The following PRKAR2A variants were observed in gnomAD, a reference collection of about 807,000 sequenced individuals.
PRKAR2A encodes cAMP-dependent protein kinase type II-alpha regulatory subunit.
Under a neutral mutation model 51.9 loss-of-function variants are expected in PRKAR2A, and 29 were observed. The ratio of observed to expected loss-of-function variants is 0.56; its 90% CI spans 0.42 to 0.76. The LOEUF (loss-of-function observed/expected upper bound fraction) is 0.76, where lower values mean the gene tolerates loss of function less well. PRKAR2A is among the 30% of genes least tolerant of loss of function. The pLI, the probability that PRKAR2A is intolerant of heterozygous loss-of-function variation, is 0.00. For missense variants in PRKAR2A, 445 were observed against 512.1 expected, an observed-to-expected ratio of 0.87 and a Z score of 1.26; for synonymous variants, 178 against 186.2, an observed-to-expected ratio of 0.96 and a Z score of 0.36.
intron 1 of PRKAR2A, among the ~76,000 whole-genome samples, chr3:48,824,604 A>C (rs531022854): frequency 4.8e-4 from 68 of 141,438 alleles, no homozygotes; most frequent in Admixed American, 1.3e-3. Flanking sequence ...AAAGAAAGAA[A>C]GAACCCTGCA....
At position 48,765,295 on chromosome 3, in the gene PRKAR2A, T is replaced by C. The variant is rs769911537; in HGVS notation, c.751A>G (p.Met251Val). Residue 251 changes from methionine (M) to valine (V), a missense_variant, in exon 7 of 11, where the codon ATG becomes GTG. Physicochemically the swap from Met to Val is conservative, Grantham distance 21 (BLOSUM62 1). Transcript: ENST00000265563. ...IVKNNAKKRK[M>V]FESFIESVPL... Reference sequence around the variant, plus strand: ...ACAGACTCAATAAATGATTCAAACATCTTCCTCTTCTTTGCATTATTTTTC... The same window carrying C: ...ACAGACTCAATAAATGATTCAAACACCTTCCTCTTCTTTGCATTATTTTTC... 7 of 1,612,738 alleles carry C rather than the reference T, an allele frequency of 4.3e-6. No individual in the cohort carries two copies. The highest frequency in any genetic ancestry group is 5.9e-6 in the Non-Finnish European group (7 of 1,179,470).
At chr3:48,766,134 C>T (rs922129933) in intron 6 of PRKAR2A, among the ~76,000 whole-genome samples, 3 of 150,364 alleles carry the variant, frequency 2.0e-5, no homozygotes, top group African/African-American at 4.9e-5. Context: ...AAAGGCTCAC[C>T]AGAGCCTGAG....
intron 5 of PRKAR2A, among the ~76,000 whole-genome samples, chr3:48,782,590 G>A (rs745385375): frequency 2.6e-5 from 4 of 152,130 alleles, no homozygotes; most frequent in Non-Finnish European, 5.9e-5. Flanking sequence ...CAAGCAGCTG[G>A]GATTACAGGC....
rs1373840463 is a variant in PRKAR2A, at chr3:48,847,253, G to A, written c.262+82C>T. 11 of 1,501,312 alleles carry A rather than the reference G, an allele frequency of 7.3e-6. No individual in the cohort carries two copies. The highest frequency in any genetic ancestry group is 1.8e-4 in the Middle Eastern group (1 of 5,616). The allele number at this position is 1,501,312 out of a possible 1,614,324, so 93.0% of individuals were successfully genotyped here. On this transcript the variant is annotated intron_variant, in intron 1 of 10. Transcript: ENST00000265563. This position sits in a 1 kb window ranked among gnomAD's most constrained non-coding sequence, Gnocchi z 4.4. ...CCAGCCTGCGGTCGGCTTGGCTGCG[G>A]CGCGACACCTGGCTCCCTGCCACCC...
At chr3:48,823,155 C>T (rs1316296942) in intron 1 of PRKAR2A, among the ~76,000 whole-genome samples, 1 of 152,008 alleles carries the variant, frequency 6.6e-6, no homozygotes, top group Non-Finnish European at 1.5e-5. Flanking sequence ...AATCGCCCGC[C>T]TCAGCCTCCT....
chr3:48,751,049 T>C lies in PRKAR2A; in HGVS notation c.*536A>G. On this transcript the variant is annotated 3_prime_UTR_variant, in exon 11 of 11. Transcript: ENST00000265563. ...AAGTACAATGCCACTGGGCTACATA[T>C]GTCCATATCATCCACCACCATTTCC... 1 of 345,038 alleles carries C rather than the reference T, an allele frequency of 2.9e-6. No homozygotes were observed. The highest frequency in any genetic ancestry group is 2.1e-5 in the African/African-American group (1 of 46,710). The allele number at this position is 345,038 out of a possible 1,614,324, so 21.4% of individuals were successfully genotyped here. A position where few individuals can be genotyped will look rare whatever the true frequency, so the allele number is the denominator to read the frequency against.
intron 4 of PRKAR2A, among the ~76,000 whole-genome samples, chr3:48,785,024 AT>A (rs1270770207): frequency 1.3e-5 from 2 of 151,846 alleles, no homozygotes; most frequent in Non-Finnish European, 2.9e-5. Flanking sequence ...TTGTTAGGTG[AT>A]TTTATATTAT....
intron 1 of PRKAR2A, among the ~76,000 whole-genome samples, chr3:48,836,473 TA>T (rs2083289062): frequency 1.9e-5 from 1 of 53,328 alleles, no homozygotes; most frequent in African/African-American, 7.0e-5. Context: ...AATATATATA[TA>T]TTAAAAAAAA....
chr3:48,771,127 A>C (rs934350583), intron 6 of PRKAR2A, among the ~76,000 whole-genome samples: 1 of 152,068 alleles, frequency 6.6e-6, no homozygotes, highest in Non-Finnish European at 1.5e-5. Context: ...CCAGCTACTC[A>C]GGAGGCCGAG....
At chr3:48,837,878 CGGCA>C (rs1559652155) in intron 1 of PRKAR2A, among the ~76,000 whole-genome samples, 1 of 151,768 alleles carries the variant, frequency 6.6e-6, no homozygotes, top group Non-Finnish European at 1.5e-5. Context: ...TAAGTGCCAG[CGGCA>C]AAAGACCACA....
At chr3:48,791,462 C>T (rs1370801890) in intron 3 of PRKAR2A, among the ~76,000 whole-genome samples, 2 of 150,688 alleles carry the variant, frequency 1.3e-5, no homozygotes, top group South Asian at 2.1e-4. Context: ...GGCATGGTGG[C>T]GCATGCCAGT....
intron 2 of PRKAR2A, 105 bp from the exon 3 acceptor site, chr3:48,794,154 CTTTT>C (rs368082715): frequency 6.8e-5 from 45 of 662,448 alleles, no homozygotes; most frequent in Middle Eastern, 3.5e-4. Context: ...GTTTTCTTTT[CTTTT>C]TTTTTTTTTT....
At chr3:48,767,344 T>G (rs551886366) in intron 6 of PRKAR2A, among the ~76,000 whole-genome samples, 19 of 151,368 alleles carry the variant, frequency 1.3e-4, no homozygotes, top group Non-Finnish European at 1.8e-4. Flanking sequence ...CCAGGCATGG[T>G]GGTGGGCGCC....
At chr3:48,775,417 G>A (rs773809867) in intron 5 of PRKAR2A, among the ~76,000 whole-genome samples, 3 of 150,702 alleles carry the variant, frequency 2.0e-5, no homozygotes, top group African/African-American at 2.4e-5. Flanking sequence ...CAGCCTGGGC[G>A]ACAGAACGAG....
chr3:48,780,035 T>C (rs2082169029), intron 5 of PRKAR2A, among the ~76,000 whole-genome samples: 1 of 151,488 alleles, frequency 6.6e-6, no homozygotes, highest in African/African-American at 2.4e-5. Flanking sequence ...GGCAGGCACC[T>C]GTAGTCCCAG....
chr3:48,829,764 A>G lies in PRKAR2A; in HGVS notation c.262+17571T>C, dbSNP rs1293014636. Among the ~76,000 whole-genome samples, 7 of 138,582 alleles carry G rather than the reference A, an allele frequency of 5.1e-5. No individual in the cohort carries two copies. In the South Asian group the frequency reaches 8.7e-4, roughly 17 times the overall value. 90.9% of individuals were successfully genotyped at this position (138,582 alleles called of 152,430 possible). ...ATATACGCATATATTTTATATACAT[A>G]CGTATATATACGCATGTATATAAAA... On this transcript the variant is annotated intron_variant, in intron 1 of 10. Transcript: ENST00000265563.
intron 8 of PRKAR2A, among the ~76,000 whole-genome samples, chr3:48,758,691 G>A (rs149542140): frequency 2.0e-5 from 3 of 152,238 alleles, no homozygotes; most frequent in Middle Eastern, 3.4e-3. Context: ...ATGAACAGGG[G>A]AGCTCATATA....
intron 1 of PRKAR2A, among the ~76,000 whole-genome samples, chr3:48,820,412 C>T (rs2082942463): frequency 6.6e-6 from 1 of 152,106 alleles, no homozygotes; most frequent in Non-Finnish European, 1.5e-5. Flanking sequence ...TGGGGATTGC[C>T]TTTTGTCTCA....
chr3:48,837,450 C>T (rs1424652142), intron 1 of PRKAR2A, among the ~76,000 whole-genome samples: 3 of 152,176 alleles, frequency 2.0e-5, no homozygotes, highest in Non-Finnish European at 4.4e-5. Flanking sequence ...AAGACAGATA[C>T]GTTCAGACAA....
Sources: gnomAD v4.1 joint callset for allele counts (sites outside exome capture counted in the v4.1 genomes callset) on GRCh38, gnomAD v4.1.1 for gene constraint, Gnocchi (gnomAD v3.1) non-coding constraint, MANE v1.5 for transcripts, NCBI Gene and HGNC (gene_info 2026-07-23, HGNC 2026-07-21) for gene names.